The following HSD17B14 variants were observed in gnomAD, a reference collection of about 807,000 sequenced individuals.
HSD17B14 encodes the protein L-fucose dehydrogenase.
Under a neutral mutation model 32.2 loss-of-function variants are expected in HSD17B14, and 32 were observed. The ratio of observed to expected loss-of-function variants is 0.99; its 90% CI spans 0.75 to 1.33. The LOEUF (loss-of-function observed/expected upper bound fraction) is 1.33, where lower values mean the gene tolerates loss of function less well. Among genes scored for constraint, HSD17B14 ranks in the 40% most tolerant of loss-of-function variants. The pLI is 0.00. For synonymous variants in HSD17B14, 140 were observed against 155.4 expected (o/e 0.90, Z 0.74); for missense variants, 370 against 366.5 (o/e 1.01, Z -0.08).
intron 5 of HSD17B14, among the ~76,000 whole-genome samples, chr19:48,820,991 C>T (rs1056291342): frequency 2.6e-5 from 4 of 151,210 alleles, no homozygotes; most frequent in African/African-American, 9.7e-5. Context: ...CGTGAGCCAC[C>T]CCACCCAGCC....
At chr19:48,830,928 T>C (rs1174522001) in intron 5 of HSD17B14, among the ~76,000 whole-genome samples, 1 of 151,876 alleles carries the variant, frequency 6.6e-6, no homozygotes, top group African/African-American at 2.4e-5. Context: ...AGCCTTGACT[T>C]CCTGGGCTCA....
intron 5 of HSD17B14, among the ~76,000 whole-genome samples, chr19:48,826,560 C>T (rs2035255518): frequency 3.4e-5 from 3 of 87,620 alleles, no homozygotes; most frequent in South Asian, 9.2e-4. Flanking sequence ...CACACACACA[C>T]ACACACACAC....
Position 48,813,469 on chromosome 19 carries a change from C to A in HSD17B14, c.626G>T (p.Gly209Val), listed in dbSNP as rs1157758732. Residue 209 changes from glycine (G) to valine (V), a missense_variant, in exon 8 of 9, where the codon GGC becomes GTC. By Grantham distance (109) the Gly-to-Val change is moderately radical. Transcript: ENST00000263278. ...CCCCACTTCTACCTGGGCCAGCATG[C>A]CCTCTCGGATTGTGGCCCTAGGGTC... Reference protein sequence around the residue: ...MPDPRATIREGMLAQPLGRMG... With the variant: ...MPDPRATIREVMLAQPLGRMG... 6.2e-7 allele frequency: 1 copy of A among 1,612,290 alleles called. No homozygotes were observed. Among genetic ancestry groups the A allele is most frequent in the Non-Finnish European group, 8.5e-7 (1 of 1,179,256 alleles).
chr19:48,832,910 C>T (rs549725283), intron 3 of HSD17B14, among the ~76,000 whole-genome samples, 178 bp from the exon 4 acceptor site: 3 of 151,858 alleles, frequency 2.0e-5, no homozygotes, highest in Middle Eastern at 3.4e-3. Context: ...ACTGCCACCA[C>T]GCCCGGCTAA....
In HSD17B14 at chr19:48,834,496, G is replaced by T. The variant is rs1421141443; in HGVS notation, c.128-138C>A. 5 of 404,026 alleles carry T rather than the reference G, an allele frequency of 1.2e-5. No homozygotes were observed. In the African/African-American group the frequency reaches 2.0e-4, roughly 16 times the overall value. The allele number at this position is 404,026 out of a possible 1,614,324, so 25.0% of individuals were successfully genotyped here. ...TCTGAGGGAGGAGGGGCTGAGGTCT[G>T]GACTCCTGGGTCTGAGGAAGTAGGG... On this transcript the variant is annotated intron_variant, in intron 2 of 8. Transcript: ENST00000263278.
intron 3 of HSD17B14, 150 bp downstream of exon 3, chr19:48,834,126 G>A: frequency 1.5e-6 from 1 of 645,650 alleles, no homozygotes; most frequent in Non-Finnish European, 2.8e-6. Context: ...GACCTTGTGT[G>A]TGGAGTGACA....
At chr19:48,831,891 G>C (rs1337607625) in intron 4 of HSD17B14, 132 bp from the exon 5 acceptor site, 1 of 608,512 alleles carries the variant, frequency 1.6e-6, no homozygotes, top group African/African-American at 1.9e-5. Flanking sequence ...CAACCTGGCT[G>C]ACAGGGCAAA....
rs1433454117 is a variant in HSD17B14 at position 48,831,687 on chromosome 19, C to T, written c.350G>A (p.Gly117Glu). 1 of 1,613,906 alleles carries T rather than the reference C, an allele frequency of 6.2e-7. No individual in the cohort carries two copies. Among genetic ancestry groups the T allele is most frequent in the South Asian group, 1.1e-5 (1 of 91,064 alleles). ...CCTCACCTTGGTCAAGGTGTACGTC[C>T]CCAGTAGGTTCAGCTCCAGCAGCTG... ...FRQLLELNLL[G>E]TYTLTKLALP... is the part of the protein sequence containing the mutation. Residue 117 changes from glycine (G) to glutamate (E), a missense_variant, in exon 5 of 9, where the codon GGG becomes GAG. Coordinates refer to ENST00000263278, the MANE Select transcript of HSD17B14 (RefSeq NM_016246.3).
chr19:48,817,828 A>G (rs1238747653), intron 5 of HSD17B14, among the ~76,000 whole-genome samples: 1 of 152,180 alleles, frequency 6.6e-6, no homozygotes, highest in African/African-American at 2.4e-5. Context: ...TCATCCCTCT[A>G]ACATTCTCCT....
intron 5 of HSD17B14, among the ~76,000 whole-genome samples, chr19:48,817,859 C>T (rs2035082477): frequency 6.6e-6 from 1 of 152,154 alleles, no homozygotes; most frequent in East Asian, 1.9e-4. Context: ...GAAGGAGGTA[C>T]AGCTGAGAGT....
At position 48,813,680 on chromosome 19, in the gene HSD17B14, A is replaced by G. The variant is rs1400611538; in HGVS notation, c.525T>C (p.Tyr175=). 1.2e-6 allele frequency: 2 copies of G among 1,614,158 alleles called. No homozygotes were observed. Among genetic ancestry groups the G allele is most frequent in the African/African-American group, 1.3e-5 (1 of 75,040 alleles). Residue 175 remains tyrosine, a synonymous_variant, in exon 7 of 9, where the codon TAT becomes TAC. Coordinates refer to ENST00000263278, the MANE Select transcript of HSD17B14 (RefSeq NM_016246.3). The part of the protein sequence containing the change: ...TKALALDESP[Y]GVRVNCISPG... ...CAGCTCACCAGTTGACTCGGACACC[A>G]TATGGACTTTCATCCAGGGCCAAAG... is the stretch of plus-strand genomic sequence containing the variant.
In HSD17B14 at chr19:48,832,675, C is replaced by T. The variant is rs1257748441; in HGVS notation, c.268G>A (p.Ala90Thr). The T allele has an allele frequency of 2.5e-6, 4 of 1,612,814 alleles. No homozygotes were observed. Among genetic ancestry groups the T allele is most frequent in the East Asian group, 2.2e-5 (1 of 44,856 alleles). The change falls in exon 4 of 9, where the codon GCT (alanine) becomes ACT (threonine). Residue 90 changes from alanine (A) to threonine (T), a missense_variant. Coordinates refer to ENST00000263278, the MANE Select transcript of HSD17B14 (RefSeq NM_016246.3). ...FGRLDCVVNN[A>T]GHHPPPQRPE... The stretch of plus-strand genomic sequence containing the variant: ...GGGTCTCACAACTCACGGTGGCCAG[C>T]GTTGTTGACAACACAATCCAGGCGG...
chr19:48,820,741 A>G (rs2122755893), intron 5 of HSD17B14, among the ~76,000 whole-genome samples: 1 of 151,540 alleles, frequency 6.6e-6, no homozygotes, highest in South Asian at 2.1e-4. Context: ...AGTGGCTCAC[A>G]TCTGTAATCC....
intron 5 of HSD17B14, 55 bp downstream of exon 5, chr19:48,831,613 C>A: frequency 1.7e-6 from 2 of 1,191,714 alleles, no homozygotes; most frequent in Non-Finnish European, 2.5e-6. Context: ...ATGCATCACA[C>A]AATCCACCTA....
In HSD17B14 at chr19:48,834,474, G is replaced by C. The variant is rs188703447; in HGVS notation, c.128-116C>G. ...GCTGGGGGCCTGGACTCCTGGGTCTGAGGGAGGAGGGGCTGAGGTCTGGAC... is the reference window on the plus strand; with the variant it reads ...GCTGGGGGCCTGGACTCCTGGGTCTCAGGGAGGAGGGGCTGAGGTCTGGAC... On this transcript the variant is annotated intron_variant, in intron 2 of 8. Coordinates refer to ENST00000263278, the MANE Select transcript of HSD17B14 (RefSeq NM_016246.3). The C allele has an allele frequency of 1.8e-4, 94 of 530,542 alleles. 2 individuals are homozygous for C. The highest frequency in any genetic ancestry group is 6.6e-4 in the Admixed American group (14 of 21,060). The allele number at this position is 530,542 out of a possible 1,614,324, so 32.9% of individuals were successfully genotyped here.
intron 5 of HSD17B14, among the ~76,000 whole-genome samples, chr19:48,820,477 A>G (rs2035127813): frequency 6.6e-6 from 1 of 151,776 alleles, no homozygotes; most frequent in Non-Finnish European, 1.5e-5. Flanking sequence ...CTCCAAAATA[A>G]AAGAATGTTG....
chr19:48,831,021 A>G (rs2035327818), intron 5 of HSD17B14, among the ~76,000 whole-genome samples: 1 of 151,734 alleles, frequency 6.6e-6, no homozygotes, highest in Non-Finnish European at 1.5e-5. Flanking sequence ...TTTTGTAGAG[A>G]TGGGGGGTTT....
intron 5 of HSD17B14, among the ~76,000 whole-genome samples, chr19:48,826,237 A>C (rs2035243392): frequency 6.6e-6 from 1 of 151,808 alleles, no homozygotes; most frequent in Non-Finnish European, 1.5e-5. Flanking sequence ...TTACGCCTGT[A>C]ATCCGAGCAC....
In HSD17B14 at chr19:48,813,811, G is replaced by A. The variant is rs564083251; in HGVS notation, c.475-81C>T. ...CATCCATTGTCTCCTGCCAGCCAGG[G>A]GGGCATCAGAATGGGGAAGTCATGC... On this transcript the variant is annotated intron_variant, in intron 6 of 8. Coordinates refer to ENST00000263278, the MANE Select transcript of HSD17B14 (RefSeq NM_016246.3). The A allele has an allele frequency of 3.1e-5, 46 of 1,507,368 alleles. No individual in the cohort carries two copies. In the Admixed American group the frequency reaches 7.4e-4, roughly 24 times the overall value. The allele number at this position is 1,507,368 out of a possible 1,614,324, so 93.4% of individuals were successfully genotyped here.
Sources: gnomAD v4.1 joint callset for allele counts (sites outside exome capture counted in the v4.1 genomes callset) on GRCh38, gnomAD v4.1.1 for gene constraint, MANE v1.5 for transcripts, NCBI Gene and HGNC (gene_info 2026-07-23, HGNC 2026-07-21) for gene names.